The following SRL variants were observed in gnomAD, a reference collection of about 807,000 sequenced individuals.
SRL encodes sarcalumenin.
Under a neutral mutation model 39.5 loss-of-function variants are expected in SRL, and 23 were observed. That is an observed-to-expected ratio of 0.58 (90% CI 0.42 to 0.82). The LOEUF is 0.82. Among genes scored for constraint, SRL ranks in the 40% least tolerant of loss-of-function variants. The pLI is 0.00. For missense variants in SRL, 592 were observed against 607.8 expected (o/e 0.97, Z 0.27); for synonymous variants, 272 against 237.4 (o/e 1.15, Z -1.34).
At chr16:4,226,768 G>A (rs1348789520) in intron 1 of SRL, among the ~76,000 whole-genome samples, 2 of 150,906 alleles carry the variant, frequency 1.3e-5, no homozygotes, top group Non-Finnish European at 3.0e-5. Context: ...GTGGATGGAT[G>A]AATGATAGAT....
chr16:4,233,939 C>G (rs1472216235), intron 1 of SRL, among the ~76,000 whole-genome samples: 2 of 152,146 alleles, frequency 1.3e-5, no homozygotes, highest in Non-Finnish European at 2.9e-5. Context: ...CAGGATTTGG[C>G]ACCCAATCTC....
chr16:4,190,567 T>G lies in SRL; in HGVS notation c.*1586A>C, dbSNP rs2052048594. ...CTCCCCACCACCTGCTGTGGAGCCG[T>G]GCATGCTAGCCTTGCAAGACTGTTA... is the stretch of plus-strand genomic sequence containing the variant. On this transcript the variant is annotated 3_prime_UTR_variant, in exon 6 of 6. Transcript: ENST00000399609. The G allele has an allele frequency of 2.5e-6, 1 of 398,362 alleles. No individual in the cohort carries two copies. The highest frequency in any genetic ancestry group is 2.1e-5 in the African/African-American group (1 of 48,650). 24.7% of individuals were successfully genotyped at this position (398,362 alleles called of 1,614,324 possible).
At chr16:4,220,134 A>C (rs1238472924) in intron 1 of SRL, among the ~76,000 whole-genome samples, 1 of 152,036 alleles carries the variant, frequency 6.6e-6, no homozygotes, top group Admixed American at 6.6e-5. Context: ...CAGCCACCCT[A>C]AGGGGAACCA....
At chr16:4,207,188 G>A (rs1027803411) in intron 1 of SRL, 7 of 456,878 alleles carry the variant, frequency 1.5e-5, no homozygotes, top group African/African-American at 1.2e-4. Context: ...CCTCTTCGGA[G>A]GGAACTCCTC....
rs73497161 is a variant in SRL, at chr16:4,221,716, G to A, written c.62-17082C>T. ...CTTAGTGGTGTAAAACAATGGAAAT[G>A]TGTTCACTCACAGTCCTAGAGGCCA... On this transcript the variant is annotated intron_variant, in intron 1 of 5. Coordinates refer to ENST00000399609, the MANE Select transcript of SRL (RefSeq NM_001098814.2). Among the ~76,000 whole-genome samples the A allele has an allele frequency of 6.6e-3, 998 of 152,340 alleles. 10 individuals carry two copies. Among genetic ancestry groups the A allele is most frequent in the African/African-American group, 0.023 (967 of 41,572 alleles).
Position 4,192,522 on chromosome 16 carries a change from C to T in SRL, c.1053G>A (p.Leu351=). 6.2e-7 allele frequency: 1 copy of T among 1,614,162 alleles called. No individual in the cohort carries two copies. Among genetic ancestry groups the T allele is most frequent in the Non-Finnish European group, 8.5e-7 (1 of 1,180,038 alleles). ...AGGTCATTTTGTCCTTGTAAGTCTG[C>T]AGGTAGCGGTCAACCAGGAGGGCGT... ...RIHALLVDRY[L]QTYKDKMTFF... The change falls in exon 6 of 6, where the codon CTG becomes CTA. Residue 351 remains leucine (L), a synonymous_variant. Transcript: ENST00000399609. This position sits in a 1 kb window ranked among gnomAD's most constrained non-coding sequence, Gnocchi z 4.0.
intron 1 of SRL, among the ~76,000 whole-genome samples, chr16:4,206,088 G>A (rs2052314977): frequency 6.6e-6 from 1 of 152,208 alleles, no homozygotes; most frequent in African/African-American, 2.4e-5. Context: ...CAGCCATGAA[G>A]GTGCCTGACC....
chr16:4,235,207 C>T (rs942971978), intron 1 of SRL, among the ~76,000 whole-genome samples: 6 of 152,192 alleles, frequency 3.9e-5, no homozygotes, highest in Admixed American at 6.5e-5. Flanking sequence ...GGGGCGAGGT[C>T]CCTGAGAAGA....
At chr16:4,221,372 G>A (rs2052528529) in intron 1 of SRL, among the ~76,000 whole-genome samples, 2 of 152,110 alleles carry the variant, frequency 1.3e-5, no homozygotes, top group African/African-American at 4.8e-5. Context: ...TTTTCCCTTG[G>A]CAGCCTCATG....
chr16:4,230,692 T>A (rs2052651699), intron 1 of SRL, among the ~76,000 whole-genome samples: 1 of 151,922 alleles, frequency 6.6e-6, no homozygotes, highest in African/African-American at 2.4e-5. Context: ...CCAGGAAGAA[T>A]GTGACCTTCT....
chr16:4,228,492 T>C (rs1023012291), intron 1 of SRL, among the ~76,000 whole-genome samples: 4 of 151,546 alleles, frequency 2.6e-5, no homozygotes, highest in Non-Finnish European at 4.4e-5. Flanking sequence ...TCCCAGCACT[T>C]TGGGAGGCCG....
At chr16:4,223,104 C>T (rs1431250727) in intron 1 of SRL, among the ~76,000 whole-genome samples, 20 of 151,416 alleles carry the variant, frequency 1.3e-4, no homozygotes, top group Non-Finnish European at 2.8e-4. Flanking sequence ...TGGTGACGGG[C>T]GCCTGTAGTC....
intron 1 of SRL, among the ~76,000 whole-genome samples, chr16:4,226,522 AATGGAGGGACAG>A (rs1485474802): frequency 6.7e-6 from 1 of 149,994 alleles, no homozygotes; most frequent in East Asian, 2.0e-4. Flanking sequence ...TGGATGGATA[AATGGAGGGACAG>A]ATGGATGGAC....
intron 3 of SRL, among the ~76,000 whole-genome samples, chr16:4,201,671 T>C (rs2052234175): frequency 9.1e-6 from 1 of 110,246 alleles, no homozygotes; most frequent in South Asian, 2.8e-4. Flanking sequence ...GTTTGTTTGT[T>C]TTGAGATGGA....
intron 3 of SRL, among the ~76,000 whole-genome samples, chr16:4,201,817 G>A (rs1285117791): frequency 1.0e-5 from 1 of 98,126 alleles, no homozygotes; most frequent in African/African-American, 5.5e-5. Context: ...CACTAGGCAG[G>A]GCTAATTTTT....
intron 1 of SRL, among the ~76,000 whole-genome samples, chr16:4,210,484 A>ATTTTTT (rs1307381191): frequency 1.6e-4 from 11 of 68,780 alleles, no homozygotes; most frequent in African/African-American, 7.0e-4. Flanking sequence ...TATTACTCAT[A>ATTTTTT]TCTTTTTTTT....
At chr16:4,205,815 G>T (rs1386309611) in intron 1 of SRL, among the ~76,000 whole-genome samples, 1 of 152,062 alleles carries the variant, frequency 6.6e-6, no homozygotes, top group Non-Finnish European at 1.5e-5. Context: ...GTGCATGCCT[G>T]TAGTCCCAGC....
At chr16:4,202,583 A>G (rs1446093834) in intron 3 of SRL, among the ~76,000 whole-genome samples, 1 of 142,818 alleles carries the variant, frequency 7.0e-6, no homozygotes, top group Non-Finnish European at 1.5e-5. Context: ...ACAGAGCGAG[A>G]CTCCATCTCA....
intron 1 of SRL, among the ~76,000 whole-genome samples, chr16:4,210,391 G>C (rs2052377482): frequency 6.6e-6 from 1 of 151,888 alleles, no homozygotes; most frequent in African/African-American, 2.4e-5. Flanking sequence ...CAGCCTGCCA[G>C]GCAATGCTTA....
Sources: allele counts gnomAD v4.1 joint callset (sites outside exome capture counted in the v4.1 genomes callset), GRCh38; gene constraint gnomAD v4.1.1; non-coding constraint Gnocchi (gnomAD v3.1); transcripts MANE v1.5; gene names NCBI Gene and HGNC (gene_info 2026-07-23, HGNC 2026-07-21).